Variants in DMD observed in about 807,000 individuals in gnomAD.
DMD encodes mutant dystrophin.
In DMD, 63 loss-of-function variants were observed where a neutral mutation model predicts 330.1. That is an observed-to-expected ratio of 0.19 (90% CI 0.16 to 0.24). The LOEUF (loss-of-function observed/expected upper bound fraction) is 0.24. DMD is among the 10% of genes least tolerant of loss of function. The pLI is 1.00. For missense variants in DMD, 3,344 were observed against 2,684.1 expected (o/e 1.25, Z -5.43); for synonymous variants, 1,223 against 959.8 (o/e 1.27, Z -5.07).
intron 33 of DMD, among the ~76,000 whole-genome samples, chrX:32,381,538 G>A (rs887662693): frequency 9.0e-6 from 1 of 111,339 alleles, no homozygotes; most frequent in East Asian, 2.8e-4. Context: ...ACAAAAGCCA[G>A]ATAAATTACA....
At chrX:33,329,554 T>C (rs1427554381) in intron 1 of DMD, among the ~76,000 whole-genome samples, 1 of 112,190 alleles carries the variant, frequency 8.9e-6, no homozygotes, top group Non-Finnish European at 1.9e-5. Context: ...GACATTTATA[T>C]GATGGCATAC....
intron 2 of DMD, among the ~76,000 whole-genome samples, chrX:33,005,354 C>G (rs1175017035): frequency 9.2e-6 from 1 of 108,336 alleles, no homozygotes; most frequent in Non-Finnish European, 1.9e-5. Flanking sequence ...ATTAAATGTA[C>G]TTTAATCATG....
chrX:31,352,059 T>C (rs1308143402), intron 60 of DMD, among the ~76,000 whole-genome samples: 1 of 111,458 alleles, frequency 9.0e-6, no homozygotes, highest in Non-Finnish European at 1.9e-5. Flanking sequence ...AAAAGTATTT[T>C]ATAAATATTT....
chrX:33,216,758 A>T, intron 1 of DMD, among the ~76,000 whole-genome samples: 1 of 111,719 alleles, frequency 9.0e-6, no homozygotes, highest in Non-Finnish European at 1.9e-5. Context: ...CACTTAGATG[A>T]TACATGTTGT....
intron 52 of DMD, among the ~76,000 whole-genome samples, chrX:31,682,003 C>G (rs983969711): frequency 8.9e-6 from 1 of 111,907 alleles, no homozygotes; most frequent in Non-Finnish European, 1.9e-5. Context: ...ATCACTTGAA[C>G]CCGGGAGGCA....
At chrX:32,440,938 A>T (rs1403039056) in intron 28 of DMD, among the ~76,000 whole-genome samples, 1 of 111,250 alleles carries the variant, frequency 9.0e-6, no homozygotes, top group Admixed American at 9.6e-5. Flanking sequence ...TCTATGTAGA[A>T]CTTAGTGATA....
chrX:32,868,224 C>G (rs1047625752), intron 2 of DMD, among the ~76,000 whole-genome samples: 1 of 111,893 alleles, frequency 8.9e-6, no homozygotes, highest in African/African-American at 3.3e-5. Flanking sequence ...ACCCGCAGAT[C>G]AGGAGATCCC....
intron 47 of DMD, among the ~76,000 whole-genome samples, chrX:31,918,907 G>A: frequency 8.9e-6 from 1 of 111,831 alleles, no homozygotes; most frequent in Admixed American, 9.5e-5. Context: ...AAAGTGCTGG[G>A]ATTACAGGCG....
intron 42 of DMD, among the ~76,000 whole-genome samples, chrX:32,299,875 G>A (rs2097514904): frequency 9.0e-6 from 1 of 111,154 alleles, no homozygotes; most frequent in Admixed American, 9.6e-5. Flanking sequence ...CTCAAGCTAA[G>A]GATTCCTCCT....
intron 7 of DMD, among the ~76,000 whole-genome samples, chrX:32,702,757 G>T (rs1172686755): frequency 9.0e-6 from 1 of 111,133 alleles, no homozygotes; most frequent in Non-Finnish European, 1.9e-5. Flanking sequence ...ACAAGTCAAT[G>T]AATGACAAAA....
chrX:31,694,730 T>C (rs1259084702), intron 52 of DMD, among the ~76,000 whole-genome samples: 1 of 105,082 alleles, frequency 9.5e-6, no homozygotes, highest in Admixed American at 1.0e-4. Flanking sequence ...TATCACCTCA[T>C]ATCTTTTGGA....
At position 31,496,963 on chromosome X, in the gene DMD, G is replaced by A. The variant is rs763581977; in HGVS notation, c.8391-19C>T. On this transcript the variant is annotated intron_variant, in intron 56 of 78. Coordinates refer to ENST00000357033, the MANE Select transcript of DMD (RefSeq NM_004006.3). ...ATGGGACCTGAAAAAGAACAGCAGC[G>A]TACCATGTCAGAATATCTAGAAGTG... is the stretch of plus-strand genomic sequence containing the variant. The A allele has an allele frequency of 5.0e-6, 6 of 1,196,583 alleles. No individual in the cohort carries two copies. The Admixed American group carries it at 9.0e-5, about 18-fold the overall frequency.
At chrX:31,645,375 C>T (rs1276224989) in intron 54 of DMD, among the ~76,000 whole-genome samples, 2 of 112,075 alleles carry the variant, frequency 1.8e-5, no homozygotes, top group Non-Finnish European at 3.8e-5. Flanking sequence ...CTCTAGCTAG[C>T]TAGCTAATTA....
At chrX:32,420,123 C>CT (rs1257740558) in intron 29 of DMD, among the ~76,000 whole-genome samples, 1 of 111,888 alleles carries the variant, frequency 8.9e-6, no homozygotes, top group Non-Finnish European at 1.9e-5. Flanking sequence ...AGGAGCCACC[C>CT]TAAGTCAGTG....
chrX:32,543,502 TGTTGGAGG>T (rs1028039093), intron 17 of DMD, among the ~76,000 whole-genome samples: 14 of 111,141 alleles, frequency 1.3e-4, no homozygotes, highest in Non-Finnish European at 2.3e-4. Context: ...TTTGGAGAAC[TGTTGGAGG>T]GTTGTTGGAA....
intron 60 of DMD, among the ~76,000 whole-genome samples, chrX:31,358,822 G>GT (rs1384330141): frequency 8.9e-6 from 1 of 112,447 alleles, no homozygotes; most frequent in Admixed American, 9.4e-5. Context: ...TCAACGAAGT[G>GT]TAGGTAAAGT....
chrX:32,047,245 C>T (rs186857033), intron 44 of DMD, among the ~76,000 whole-genome samples: 93 of 111,132 alleles, frequency 8.4e-4, no homozygotes, highest in African/African-American at 2.9e-3. Context: ...TCATTGAATG[C>T]TAGTCTACAT....
chrX:31,580,807 TTCTC>T (rs928249069), intron 55 of DMD, among the ~76,000 whole-genome samples: 4 of 110,602 alleles, frequency 3.6e-5, no homozygotes, highest in African/African-American at 6.6e-5. Flanking sequence ...TAATTTCTCT[TTCTC>T]TCTCTCTCTC....
chrX:31,222,245 G>A (rs755387577), intron 64 of DMD, among the ~76,000 whole-genome samples: 209 of 106,977 alleles, frequency 2.0e-3, no homozygotes, highest in African/African-American at 6.7e-3. Flanking sequence ...AAAATTAGCC[G>A]GGCATGGTGG....
Sources: allele counts gnomAD v4.1 joint callset (sites outside exome capture counted in the v4.1 genomes callset), GRCh38; gene constraint gnomAD v4.1.1; transcripts MANE v1.5; gene names NCBI Gene and HGNC (gene_info 2026-07-23, HGNC 2026-07-21).